Variants in TEAD1 observed in about 807,000 individuals in gnomAD.
TEAD1 encodes TEA domain transcription factor 1.
Under a neutral mutation model 54.9 loss-of-function variants are expected in TEAD1, and 9 were observed. The observed-to-expected ratio is 0.16, with a 90% CI of 0.10 to 0.29. The LOEUF is 0.29. Ranked by LOEUF, TEAD1 falls within the 10% of genes least tolerant of loss-of-function variation. TEAD1 has a pLI of 1.00. For synonymous variants in TEAD1, 200 were observed against 187.8 expected (o/e 1.07, Z -0.53); for missense variants, 387 against 535.9 (o/e 0.72, Z 2.74).
In TEAD1 at chr11:12,755,128, T is replaced by G. The variant is rs1005861050; in HGVS notation, c.-54-9051T>G. On this transcript the variant is annotated intron_variant, in intron 2 of 12. Coordinates refer to ENST00000527636, the MANE Select transcript of TEAD1 (RefSeq NM_021961.6). ...AACATTGGGTGAGTCTCACCTGGCC[T>G]TTAGTAAGCAGGGATGACTCTCCAG... Among the ~76,000 whole-genome samples the G allele has an allele frequency of 6.6e-5, 10 of 152,288 alleles. No homozygotes were observed. In the South Asian group the frequency reaches 2.1e-3, roughly 32 times the overall value.
chr11:12,727,285 A>G (rs899285537), intron 2 of TEAD1, among the ~76,000 whole-genome samples: 1 of 152,178 alleles, frequency 6.6e-6, no homozygotes, highest in East Asian at 1.9e-4. Flanking sequence ...TGTGGTTCAC[A>G]TTATAGTTCT....
intron 4 of TEAD1, 199 bp from the exon 5 acceptor site, chr11:12,864,639 T>TTTGTTTTGTTTTG: frequency 1.5e-6 from 2 of 1,326,834 alleles, no homozygotes; most frequent in South Asian, 3.1e-5. Context: ...TTTGTTTTGT[T>TTTGTTTTGTTTTG]TTGTTTTGTT....
intron 2 of TEAD1, among the ~76,000 whole-genome samples, chr11:12,685,580 T>TG (rs1183503805): frequency 4.2e-4 from 64 of 152,196 alleles, no homozygotes; most frequent in African/African-American, 1.5e-3. Context: ...TTCTACCAGT[T>TG]GGTTTTAGAG....
intron 9 of TEAD1, among the ~76,000 whole-genome samples, chr11:12,883,399 G>C (rs1259988703): frequency 2.6e-5 from 4 of 152,144 alleles, no homozygotes; most frequent in African/African-American, 9.7e-5. Flanking sequence ...ACGTTTACAA[G>C]CTCTTATGTT....
At chr11:12,839,991 T>G (rs1222470500) in intron 3 of TEAD1, among the ~76,000 whole-genome samples, 1 of 151,924 alleles carries the variant, frequency 6.6e-6, no homozygotes, top group African/African-American at 2.4e-5. Flanking sequence ...TTCACGCCTG[T>G]AATCCAAGCA....
chr11:12,875,756 G>A (rs1485941944), intron 5 of TEAD1, among the ~76,000 whole-genome samples: 4 of 152,154 alleles, frequency 2.6e-5, no homozygotes, highest in Non-Finnish European at 5.9e-5. Context: ...TCTACACTTA[G>A]CTTTCTATTA....
At chr11:12,846,249 C>G (rs1369945424) in intron 3 of TEAD1, among the ~76,000 whole-genome samples, 1 of 152,016 alleles carries the variant, frequency 6.6e-6, no homozygotes, top group Non-Finnish European at 1.5e-5. Context: ...CGCCCTCCCC[C>G]ACCCCCCAGA....
At chr11:12,706,228 C>G (rs1302361849) in intron 2 of TEAD1, among the ~76,000 whole-genome samples, 1 of 152,212 alleles carries the variant, frequency 6.6e-6, no homozygotes, top group Non-Finnish European at 1.5e-5. Flanking sequence ...TGTTTTTGAA[C>G]TGGTTGAAGA....
intron 2 of TEAD1, among the ~76,000 whole-genome samples, chr11:12,722,444 C>G (rs1248311397): frequency 6.6e-6 from 1 of 152,170 alleles, no homozygotes; most frequent in Non-Finnish European, 1.5e-5. Context: ...GGTAACATCC[C>G]TTTCCTCATC....
chr11:12,725,668 A>G (rs1364576793), intron 2 of TEAD1, among the ~76,000 whole-genome samples: 1 of 152,246 alleles, frequency 6.6e-6, no homozygotes, highest in Non-Finnish European at 1.5e-5. Context: ...AGTTCAGTAG[A>G]ATAACAGGAA....
At chr11:12,853,598 T>A (rs891427589) in intron 3 of TEAD1, among the ~76,000 whole-genome samples, 2 of 152,360 alleles carry the variant, frequency 1.3e-5, no homozygotes, top group African/African-American at 2.4e-5. Flanking sequence ...TTCATATTTC[T>A]TTTTCATCTA....
At chr11:12,763,920 T>C (rs1006911705) in intron 2 of TEAD1, among the ~76,000 whole-genome samples, 3 of 152,208 alleles carry the variant, frequency 2.0e-5, no homozygotes, top group African/African-American at 7.2e-5. Flanking sequence ...CTTAATATGA[T>C]ACTTAGATAA....
chr11:12,915,179 C>T (rs1948687836), intron 10 of TEAD1, among the ~76,000 whole-genome samples: 1 of 152,168 alleles, frequency 6.6e-6, no homozygotes, highest in Admixed American at 6.5e-5. Flanking sequence ...TGTCCCCCTG[C>T]CTCGCGCCTT....
intron 5 of TEAD1, 102 bp downstream of exon 5, chr11:12,865,002 GTT>G: frequency 1.5e-6 from 2 of 1,317,524 alleles, no homozygotes; most frequent in Admixed American, 3.4e-5. Flanking sequence ...TCGTAACCTA[GTT>G]TCCTTGCATG....
At chr11:12,838,488 G>A (rs1225639088) in intron 3 of TEAD1, among the ~76,000 whole-genome samples, 1 of 152,112 alleles carries the variant, frequency 6.6e-6, no homozygotes, top group Non-Finnish European at 1.5e-5. Flanking sequence ...AATCATACTG[G>A]CAGCAAATTA....
At chr11:12,848,482 G>GATT (rs1947202080) in intron 3 of TEAD1, among the ~76,000 whole-genome samples, 3 of 152,138 alleles carry the variant, frequency 2.0e-5, no homozygotes, top group Admixed American at 2.0e-4. Flanking sequence ...TAATGTTAAG[G>GATT]ATTAAGGAAC....
intron 2 of TEAD1, among the ~76,000 whole-genome samples, chr11:12,744,070 C>G (rs1427640432): frequency 6.6e-6 from 1 of 152,210 alleles, no homozygotes; most frequent in African/African-American, 2.4e-5. Context: ...CACTTGTCAT[C>G]TTTAATTCAT....
At chr11:12,727,826 T>C (rs575420608) in intron 2 of TEAD1, among the ~76,000 whole-genome samples, 1 of 152,300 alleles carries the variant, frequency 6.6e-6, no homozygotes, top group South Asian at 2.1e-4. Context: ...CAAGTTTGTA[T>C]CCAGGCTTTC....
intron 2 of TEAD1, among the ~76,000 whole-genome samples, chr11:12,737,368 C>G (rs1405562147): frequency 6.6e-6 from 1 of 151,166 alleles, no homozygotes; most frequent in Non-Finnish European, 1.5e-5. Context: ...CCTCAGATAT[C>G]TTTTACCTGT....
Sources: gnomAD v4.1 joint callset for allele counts (sites outside exome capture counted in the v4.1 genomes callset) on GRCh38, gnomAD v4.1.1 for gene constraint, MANE v1.5 for transcripts, NCBI Gene and HGNC (gene_info 2026-07-23, HGNC 2026-07-21) for gene names.